The following GPAM variants were observed in gnomAD, a reference collection of about 807,000 sequenced individuals.
The protein encoded by GPAM is glycerol-3-phosphate acyltransferase 1, mitochondrial.
In GPAM, 56 loss-of-function variants were observed where a neutral mutation model predicts 105.0. The ratio of observed to expected loss-of-function variants is 0.53; its 90% CI spans 0.43 to 0.67. The LOEUF (loss-of-function observed/expected upper bound fraction) is 0.67. Among genes scored for constraint, GPAM ranks in the 30% least tolerant of loss-of-function variants. GPAM has a pLI of 0.00. For synonymous variants in GPAM, 368 were observed against 354.4 expected (o/e 1.04, Z -0.43); for missense variants, 855 against 989.8 (o/e 0.86, Z 1.83).
chr10:112,221,757 A>T, the GPAM span, among the ~76,000 whole-genome samples: 16 of 152,364 alleles, frequency 1.1e-4, no homozygotes, highest in Non-Finnish European at 1.5e-4. Flanking sequence ...GTTGAAATGC[A>T]GACTTCTATG....
At chr10:112,156,402 C>A in intron 19 of GPAM, 1 of 329,158 alleles carries the variant, frequency 3.0e-6, no homozygotes, top group South Asian at 2.7e-5. Context: ...TGGTTTGAAG[C>A]CTGGGCTCAA....
rs1846923457 is a variant in GPAM, at chr10:112,151,704, G to T, written c.*1846C>A. On this transcript the variant is annotated 3_prime_UTR_variant, in exon 22 of 22. Coordinates refer to ENST00000348367, the MANE Select transcript of GPAM (RefSeq NM_001244949.2). ...GAAGCGAGTCCCAATCTTGAATAAT[G>T]GTGAGCTTGAGTAATCCTTAATTTA... The T allele has an allele frequency of 3.0e-6, 3 of 985,078 alleles. No individual in the cohort carries two copies. Among genetic ancestry groups the T allele is most frequent in the Non-Finnish European group, 3.6e-6 (3 of 829,796 alleles). 61.0% of individuals were successfully genotyped at this position (985,078 alleles called of 1,614,324 possible).
intron 1 of GPAM, among the ~76,000 whole-genome samples, chr10:112,189,422 T>C (rs1043592877): frequency 6.6e-6 from 1 of 152,196 alleles, no homozygotes; most frequent in African/African-American, 2.4e-5. Flanking sequence ...TCAAAAAGTT[T>C]CAAAAATCAG....
intron 11 of GPAM, among the ~76,000 whole-genome samples, chr10:112,167,551 A>G (rs774160921): frequency 5.3e-5 from 8 of 152,250 alleles, no homozygotes; most frequent in Non-Finnish European, 1.2e-4. Flanking sequence ...GGAATAGACT[A>G]CATGCAACAA....
chr10:112,180,637 G>C, intron 3 of GPAM, 42 bp from the exon 4 acceptor site: 1 of 1,549,784 alleles, frequency 6.5e-7, no homozygotes, highest in African/African-American at 1.4e-5. Flanking sequence ...TAAATGGCAA[G>C]AGAATACTTG....
At chr10:112,159,187 A>T (rs2133230886) in intron 17 of GPAM, among the ~76,000 whole-genome samples, 1 of 151,316 alleles carries the variant, frequency 6.6e-6, no homozygotes, top group African/African-American at 2.4e-5. Context: ...CCTCATTTGT[A>T]AATTGAGAGG....
intron 1 of GPAM, among the ~76,000 whole-genome samples, chr10:112,213,468 C>T (rs534234248): frequency 2.6e-5 from 4 of 152,154 alleles, no homozygotes; most frequent in South Asian, 2.1e-4. Flanking sequence ...AAGAGCCTAC[C>T]GGGTGTCACA....
chr10:112,156,934 A>G, intron 19 of GPAM: 1 of 519,844 alleles, frequency 1.9e-6, no homozygotes, highest in South Asian at 2.7e-5. Context: ...TGGCAGCTCA[A>G]TAGCAAAACT....
At chr10:112,161,949 A>G (rs1406711832) in intron 14 of GPAM, among the ~76,000 whole-genome samples, 1 of 152,230 alleles carries the variant, frequency 6.6e-6, no homozygotes, top group Non-Finnish European at 1.5e-5. Context: ...ATCATACAAC[A>G]GGCTAAGTAA....
chr10:112,198,033 T>C (rs1847746690), intron 1 of GPAM, among the ~76,000 whole-genome samples: 1 of 152,242 alleles, frequency 6.6e-6, no homozygotes, highest in African/African-American at 2.4e-5. Context: ...ATGTTTAAAG[T>C]AAACTCAATT....
intron 1 of GPAM, among the ~76,000 whole-genome samples, chr10:112,211,886 A>G (rs1420624118): frequency 6.6e-6 from 1 of 152,254 alleles, no homozygotes; most frequent in Admixed American, 6.5e-5. Context: ...TTTTCTAACA[A>G]AAGATTAACA....
At chr10:112,209,856 T>A (rs1847891834) in intron 1 of GPAM, among the ~76,000 whole-genome samples, 1 of 152,180 alleles carries the variant, frequency 6.6e-6, no homozygotes. Context: ...TTATGGCCAA[T>A]CTGATTTCTG....
chr10:112,167,692 T>C (rs1847242201), intron 11 of GPAM, among the ~76,000 whole-genome samples: 2 of 152,196 alleles, frequency 1.3e-5, no homozygotes, highest in African/African-American at 4.8e-5. Context: ...AATTAATCAT[T>C]ACCCTTGCGG....
upstream of GPAM, among the ~76,000 whole-genome samples, chr10:112,217,503 C>T (rs1488771279): frequency 1.3e-5 from 2 of 151,420 alleles, no homozygotes; most frequent in Non-Finnish European, 2.9e-5. Context: ...AGTTTGCATA[C>T]CCTTATAGCC....
chr10:112,225,293 C>G, the GPAM span, among the ~76,000 whole-genome samples: 1 of 152,210 alleles, frequency 6.6e-6, no homozygotes, highest in Non-Finnish European at 1.5e-5. Flanking sequence ...CCTCTAATGG[C>G]CTTGCCTGGG....
intron 16 of GPAM, 50 bp downstream of exon 16, chr10:112,160,554 C>G: frequency 6.5e-7 from 1 of 1,550,138 alleles, no homozygotes; most frequent in South Asian, 1.1e-5. Flanking sequence ...TGTTTTAGGC[C>G]TTTTTATTTT....
chr10:112,198,825 C>T (rs183518959), intron 1 of GPAM, among the ~76,000 whole-genome samples: 34 of 152,076 alleles, frequency 2.2e-4, no homozygotes, highest in Non-Finnish European at 3.4e-4. Context: ...ATATACACAA[C>T]GGACTACTCT....
chr10:112,151,422 G>C lies in GPAM; in HGVS notation c.*2128C>G. 1.0e-6 allele frequency: 1 copy of C among 985,670 alleles called. No homozygotes were observed. The highest frequency in any genetic ancestry group is 1.2e-6 in the Non-Finnish European group (1 of 829,786). The allele number at this position is 985,670 out of a possible 1,614,324, so 61.1% of individuals were successfully genotyped here. On this transcript the variant is annotated 3_prime_UTR_variant, in exon 22 of 22. Coordinates refer to ENST00000348367, the MANE Select transcript of GPAM (RefSeq NM_001244949.2). The stretch of plus-strand genomic sequence containing the variant: ...TGTCTGGATGAGCATAACTTTGGTT[G>C]AGATTTTTCTCCCTTAAAAAAGATT...
chr10:112,199,782 G>T (rs1461578081), intron 1 of GPAM, among the ~76,000 whole-genome samples: 1 of 152,080 alleles, frequency 6.6e-6, no homozygotes, highest in Non-Finnish European at 1.5e-5. Flanking sequence ...TTGTGCAGGG[G>T]AACTCCCATT....
Sources: gnomAD v4.1 joint callset for allele counts (sites outside exome capture counted in the v4.1 genomes callset) on GRCh38, gnomAD v4.1.1 for gene constraint, MANE v1.5 for transcripts, NCBI Gene and HGNC (gene_info 2026-07-23, HGNC 2026-07-21) for gene names.